The following SCOC variants were observed in gnomAD, a reference collection of about 807,000 sequenced individuals.
The protein encoded by SCOC is short coiled-coil protein, also known as short coiled coil protein.
A neutral mutation model predicts 9.9 loss-of-function variants in SCOC; 7 were observed. The observed-to-expected ratio is 0.71, with a 90% CI of 0.40 to 1.33. SCOC has a LOEUF of 1.33. Ranked by LOEUF, SCOC falls within the 40% of genes most tolerant of loss-of-function variation. The pLI, the probability that SCOC is intolerant of heterozygous loss-of-function variation, is 0.01. For missense variants in SCOC, 66 were observed against 89.7 expected (o/e 0.74, Z 1.07); for synonymous variants, 19 against 28.2 (o/e 0.67, Z 1.03).
intron 1 of SCOC, among the ~76,000 whole-genome samples, chr4:140,324,638 C>G (rs1732594239): frequency 6.6e-6 from 1 of 152,012 alleles, no homozygotes; most frequent in Non-Finnish European, 1.5e-5. Flanking sequence ...AAAACATGTG[C>G]ATGGTCTATA....
chr4:140,380,862 G>T (rs988655930), intron 3 of SCOC, 100 bp from the exon 4 acceptor site: 6 of 911,086 alleles, frequency 6.6e-6, no homozygotes, highest in Non-Finnish European at 7.8e-6. Context: ...TAAAATTTAA[G>T]GATTGTATTA....
At chr4:140,367,191 C>T (rs141666447) in intron 2 of SCOC, among the ~76,000 whole-genome samples, 3 of 152,028 alleles carry the variant, frequency 2.0e-5, no homozygotes, top group African/African-American at 7.2e-5. Context: ...GGCAACAGAG[C>T]AAGACCCTAC....
chr4:140,328,644 C>T (rs764583458), intron 1 of SCOC, among the ~76,000 whole-genome samples: 7 of 152,174 alleles, frequency 4.6e-5, no homozygotes, highest in African/African-American at 7.2e-5. Flanking sequence ...TGGTTTTGAT[C>T]TGGGTGTTGG....
chr4:140,323,441 A>G (rs1732557668), intron 1 of SCOC, among the ~76,000 whole-genome samples: 1 of 152,172 alleles, frequency 6.6e-6, no homozygotes. Context: ...ATTCAAATGG[A>G]CTAATACACT....
chr4:140,343,494 A>T, intron 1 of SCOC: 2 of 602,814 alleles, frequency 3.3e-6, no homozygotes, highest in Non-Finnish European at 6.1e-6. Context: ...GGTGGAAAGC[A>T]GGAAGAGGGT....
rs142809903 is a variant in SCOC, at chr4:140,356,070, A to T, written c.70+12362A>T. ...ATGTGAAAAGTTGTTTAGGAAAAAT[A>T]AAATGGAGAAAGTGGCAAATTTAGC... On this transcript the variant is annotated intron_variant, in intron 2 of 4. Transcript: ENST00000338517. Among the ~76,000 whole-genome samples the T allele has an allele frequency of 3.9e-5, 6 of 152,348 alleles. No individual in the cohort carries two copies. The East Asian group carries it at 1.2e-3, about 29-fold the overall frequency.
intron 1 of SCOC, among the ~76,000 whole-genome samples, chr4:140,376,936 T>C (rs1243065986): frequency 1.3e-5 from 2 of 152,256 alleles, no homozygotes; most frequent in Non-Finnish European, 2.9e-5. Context: ...GGCTTGTATA[T>C]CTTATAACTC....
At chr4:140,274,470 G>T (rs1730931237) in intron 1 of SCOC, among the ~76,000 whole-genome samples, 1 of 152,108 alleles carries the variant, frequency 6.6e-6, no homozygotes, top group Non-Finnish European at 1.5e-5. Context: ...AAGGCAAAAG[G>T]TTCACTCATG....
At chr4:140,279,749 T>G (rs1578764694) in intron 1 of SCOC, among the ~76,000 whole-genome samples, 1 of 152,322 alleles carries the variant, frequency 6.6e-6, no homozygotes, top group East Asian at 1.9e-4. Flanking sequence ...CAAAGAGACC[T>G]AAAAATGCAG....
At chr4:140,372,533 T>C (rs1394060909), upstream of SCOC, among the ~76,000 whole-genome samples, 1 of 152,000 alleles carries the variant, frequency 6.6e-6, no homozygotes, top group East Asian at 1.9e-4. Context: ...ATTAGATTTA[T>C]GTTGGATTTT....
chr4:140,285,967 C>T (rs1731255622), intron 1 of SCOC, among the ~76,000 whole-genome samples: 1 of 152,008 alleles, frequency 6.6e-6, no homozygotes, highest in Non-Finnish European at 1.5e-5. Context: ...GGTACATCAC[C>T]TGAGGTCAGG....
intron 2 of SCOC, among the ~76,000 whole-genome samples, chr4:140,355,618 A>G (rs1170422793): frequency 6.6e-6 from 1 of 152,212 alleles, no homozygotes. Flanking sequence ...GCAGGTACTG[A>G]ATAATGAAAT....
chr4:140,272,346 C>A (rs769928229), intron 1 of SCOC, among the ~76,000 whole-genome samples: 3 of 152,068 alleles, frequency 2.0e-5, no homozygotes, highest in Non-Finnish European at 4.4e-5. Context: ...TTAGCCACTG[C>A]GCCCAGCCTG....
intron 1 of SCOC, among the ~76,000 whole-genome samples, chr4:140,260,447 T>C (rs545259075): frequency 3.3e-5 from 5 of 152,294 alleles, no homozygotes; most frequent in African/African-American, 1.2e-4. Context: ...CTGGAAAGAA[T>C]CTTGTGAGGT....
rs1460830847 is a variant in SCOC at position 140,385,562 on chromosome 4, T to C, written c.*4458T>C. On this transcript the variant is annotated 3_prime_UTR_variant, in exon 4 of 4. Coordinates refer to ENST00000608372, the MANE Select transcript of SCOC (RefSeq NM_001153484.2). ...TTCCAACTAGTTAATGTCACATCTC[T>C]ATTCCTGTCACCCTTCCCTGTGATC... 6.6e-6 allele frequency: 1 copy of C among 152,196 alleles called. No homozygotes were observed. Among genetic ancestry groups the C allele is most frequent in the Non-Finnish European group, 1.5e-5 (1 of 68,018 alleles). The allele number at this position is 152,196 out of a possible 1,614,324, so 9.4% of individuals were successfully genotyped here. A position where few individuals can be genotyped will look rare whatever the true frequency, so the allele number is the denominator to read the frequency against.
Position 140,381,029 on chromosome 4 carries a change from TG to T in SCOC, c.176del (p.Gly59AspfsTer4). ...LKLKSENQVL[G>X]QYIENLMSAS... The stretch of plus-strand genomic sequence containing the variant: ...AGCTAAAATCAGAAAACCAAGTTCT[TG>T]GACAATATATAGAAAATCTCATGTC... On this transcript the variant is annotated frameshift_variant, in exon 4 of 4. Transcript: ENST00000608372. LOFTEE classifies it high-confidence loss of function. 1 of 1,606,880 alleles carries T rather than the reference TG, an allele frequency of 6.2e-7. No individual in the cohort carries two copies. The highest frequency in any genetic ancestry group is 8.5e-7 in the Non-Finnish European group (1 of 1,178,252).
At chr4:140,375,990 A>G (rs1227953380) in intron 1 of SCOC, among the ~76,000 whole-genome samples, 2 of 152,162 alleles carry the variant, frequency 1.3e-5, no homozygotes, top group East Asian at 1.9e-4. Flanking sequence ...GCGTTTATAT[A>G]TAGGAGCAGA....
At chr4:140,368,650 T>C (rs1370757500), upstream of SCOC, among the ~76,000 whole-genome samples, 1 of 152,146 alleles carries the variant, frequency 6.6e-6, no homozygotes, top group Non-Finnish European at 1.5e-5. Flanking sequence ...AGCTTCAGTA[T>C]TTAAAGGGGA....
intron 1 of SCOC, among the ~76,000 whole-genome samples, chr4:140,305,741 G>A (rs762597406): frequency 2.0e-5 from 3 of 152,138 alleles, no homozygotes; most frequent in Non-Finnish European, 4.4e-5. Flanking sequence ...GCAATTGGGA[G>A]CTCACGAATC....
Sources: allele counts gnomAD v4.1 joint callset (sites outside exome capture counted in the v4.1 genomes callset), GRCh38; gene constraint gnomAD v4.1.1; transcripts MANE v1.5; gene names NCBI Gene and HGNC (gene_info 2026-07-23, HGNC 2026-07-21).